ZC3H7A: variants seen among roughly 807,000 people sequenced by gnomAD.
The protein encoded by ZC3H7A is zinc finger CCCH domain-containing protein 7A.
A neutral mutation model predicts 125.5 loss-of-function variants in ZC3H7A; 44 were observed. The observed-to-expected ratio is 0.35, with a 90% CI of 0.28 to 0.45. The LOEUF (loss-of-function observed/expected upper bound fraction) is 0.45. ZC3H7A is among the 20% of genes least tolerant of loss of function. ZC3H7A has a pLI of 1.00. For synonymous variants in ZC3H7A, 399 were observed against 391.2 expected, an observed-to-expected ratio of 1.02 and a Z score of -0.23; for missense variants, 977 against 1,170.7, an observed-to-expected ratio of 0.83 and a Z score of 2.41.
intron 10 of ZC3H7A, among the ~76,000 whole-genome samples, chr16:11,769,780 C>CTTTCTTTCTTTTT (rs2052942594): frequency 1.8e-5 from 1 of 55,360 alleles, no homozygotes; most frequent in African/African-American, 1.6e-4. Flanking sequence ...TTTTCAATTG[C>CTTTCTTTCTTTTT]TTTCTTTTTT....
At chr16:11,785,446 T>C (rs1387048137) in intron 1 of ZC3H7A, among the ~76,000 whole-genome samples, 2 of 150,630 alleles carry the variant, frequency 1.3e-5, no homozygotes, top group African/African-American at 4.9e-5. Flanking sequence ...GTCAGGGCTG[T>C]AGTGAGCTAC....
intron 18 of ZC3H7A, 36 bp downstream of exon 18, chr16:11,761,874 T>C: frequency 6.2e-7 from 1 of 1,603,042 alleles, no homozygotes; most frequent in Non-Finnish European, 8.5e-7. Flanking sequence ...AACAGAAAAT[T>C]ACAAAATAGG....
At chr16:11,796,543 G>A (rs2053440000) in intron 1 of ZC3H7A, 1 of 152,778 alleles carries the variant, frequency 6.5e-6, no homozygotes, top group South Asian at 2.1e-4. Context: ...GGCCTGACCG[G>A]AAGCCCCGCT....
chr16:11,776,055 G>A (rs2053074801), intron 7 of ZC3H7A, among the ~76,000 whole-genome samples: 2 of 152,218 alleles, frequency 1.3e-5, no homozygotes, highest in Admixed American at 1.3e-4. Context: ...CAGCTACTCG[G>A]GAGGCTGAGG....
At position 11,762,118 on chromosome 16, in the gene ZC3H7A, G is replaced by A. The variant is rs944638574; in HGVS notation, c.2080-75C>T. The A allele has an allele frequency of 1.1e-5, 16 of 1,420,224 alleles. No homozygotes were observed. In the Admixed American group the frequency reaches 1.4e-4, roughly 12 times the overall value. The allele number at this position is 1,420,224 out of a possible 1,614,324, so 88.0% of individuals were successfully genotyped here. Reference sequence around the variant, plus strand: ...TTCTGATGACAAAATACTAAATCAAGATGCATTTTTTTCACAATAGTATAC... The same window carrying A: ...TTCTGATGACAAAATACTAAATCAAAATGCATTTTTTTCACAATAGTATAC... On this transcript the variant is annotated intron_variant, in intron 17 of 22. Coordinates refer to ENST00000355758, the MANE Select transcript of ZC3H7A (RefSeq NM_014153.4).
chr16:11,792,611 G>A (rs2053371998), intron 1 of ZC3H7A, among the ~76,000 whole-genome samples: 1 of 152,222 alleles, frequency 6.6e-6, no homozygotes, highest in African/African-American at 2.4e-5. Flanking sequence ...TGTTCTACAT[G>A]CTTTATACGT....
chr16:11,795,520 T>C (rs2053422925), intron 1 of ZC3H7A, among the ~76,000 whole-genome samples: 1 of 152,220 alleles, frequency 6.6e-6, no homozygotes, highest in South Asian at 2.1e-4. Flanking sequence ...CACTGCAACC[T>C]CTGCCTCCCG....
At chr16:11,789,253 A>G (rs1430672879) in intron 1 of ZC3H7A, among the ~76,000 whole-genome samples, 1 of 151,986 alleles carries the variant, frequency 6.6e-6, no homozygotes, top group African/African-American at 2.4e-5. Context: ...TATTCTGTGT[A>G]TATGTTTGTT....
At chr16:11,755,595 G>C (rs2052630903) in intron 21 of ZC3H7A, among the ~76,000 whole-genome samples, 1 of 152,110 alleles carries the variant, frequency 6.6e-6, no homozygotes, top group Non-Finnish European at 1.5e-5. Context: ...CCTCCCACTA[G>C]GGAAGAGTCA....
At chr16:11,768,246 A>C (rs1486121869) in intron 12 of ZC3H7A, 69 bp downstream of exon 12, 1 of 1,326,806 alleles carries the variant, frequency 7.5e-7, no homozygotes, top group African/African-American at 1.5e-5. Context: ...TGTATTTACA[A>C]ATTCCTAAGA....
At chr16:11,776,626 G>T in intron 5 of ZC3H7A, 94 bp from the exon 6 acceptor site, 1 of 1,490,672 alleles carries the variant, frequency 6.7e-7, no homozygotes, top group Non-Finnish European at 9.0e-7. Flanking sequence ...CAAGACACCT[G>T]CTTCATTAGC....
At chr16:11,782,987 G>A (rs2053198618) in intron 1 of ZC3H7A, 2 of 152,580 alleles carry the variant, frequency 1.3e-5, no homozygotes, top group Admixed American at 1.3e-4. Context: ...CCAGGAAAAA[G>A]TCATGTCTCC....
chr16:11,776,350 T>C lies in ZC3H7A; in HGVS notation c.555A>G (p.Leu185=). The C allele has an allele frequency of 6.2e-7, 1 of 1,609,120 alleles. No individual in the cohort carries two copies. The highest frequency in any genetic ancestry group is 1.1e-5 in the South Asian group (1 of 88,912). Reference sequence around the variant, plus strand: ...TAGCCCCATCCCCAGGAACTGATTTTAATGAGAGCTGAAATAAAATAAAGA... The same window carrying C: ...TAGCCCCATCCCCAGGAACTGATTTCAATGAGAGCTGAAATAAAATAAAGA... ...RKAYVRAELS[L]KSVPGDGATK... The change falls in exon 7 of 23, where the codon TTA becomes TTG. Residue 185 remains leucine, a synonymous_variant. Transcript: ENST00000355758.
At position 11,774,373 on chromosome 16, in the gene ZC3H7A, G is replaced by A. The variant is rs764923536; in HGVS notation, c.766C>T (p.Pro256Ser). 2.1e-5 allele frequency: 34 copies of A among 1,613,862 alleles called. No homozygotes were observed. Among genetic ancestry groups the A allele is most frequent in the Middle Eastern group, 1.6e-4 (1 of 6,062 alleles). ...CCTCCATTTGCCAGCACTGCAGATG[G>A]CAGAGCGCTCTCTTCCACTTGTAGT... ...LPLQVEESAL[P>S]SAVLANGGKM... The change falls in exon 9 of 23, where the codon CCA becomes TCA. Residue 256 changes from proline to serine, a missense_variant. Physicochemically the swap from Pro to Ser is moderately conservative, Grantham distance 74. Coordinates refer to ENST00000355758, the MANE Select transcript of ZC3H7A (RefSeq NM_014153.4).
At chr16:11,796,698 G>C (rs1015620409) in intron 1 of ZC3H7A, 3 of 152,254 alleles carry the variant, frequency 2.0e-5, no homozygotes, top group Middle Eastern at 3.4e-3. Flanking sequence ...AAAGACGGAT[G>C]AGCCCCAAAT....
At chr16:11,790,079 CAAA>C (rs150579733) in intron 1 of ZC3H7A, among the ~76,000 whole-genome samples, 6,145 of 73,354 alleles carry the variant, frequency 0.084, 83 homozygotes, top group African/African-American at 0.14. Flanking sequence ...GACTCCATCT[CAAA>C]AAAAAAAAAA....
intron 13 of ZC3H7A, among the ~76,000 whole-genome samples, chr16:11,766,424 G>A (rs1249214231): frequency 6.6e-6 from 1 of 152,152 alleles, no homozygotes; most frequent in Non-Finnish European, 1.5e-5. Flanking sequence ...AATCAGTGAG[G>A]CAGGGCGGCA....
intron 1 of ZC3H7A, among the ~76,000 whole-genome samples, chr16:11,789,984 G>A (rs1166313065): frequency 1.3e-5 from 2 of 148,968 alleles, no homozygotes; most frequent in Non-Finnish European, 2.9e-5. Context: ...GAGACGCTAA[G>A]GCAGGAGAAT....
chr16:11,796,999 T>TCCCCCGCCCCG, intron 1 of ZC3H7A, 125 bp downstream of exon 1: 1 of 137,218 alleles, frequency 7.3e-6, no homozygotes, highest in African/African-American at 2.7e-5. Context: ...CCGCCGCCCC[T>TCCCCCGCCCCG]CCCCCGCCCC....
Sources: gnomAD v4.1 joint callset for allele counts (sites outside exome capture counted in the v4.1 genomes callset) on GRCh38, gnomAD v4.1.1 for gene constraint, MANE v1.5 for transcripts, NCBI Gene and HGNC (gene_info 2026-07-23, HGNC 2026-07-21) for gene names.